COL4A6: variants seen among roughly 807,000 people sequenced by gnomAD.
COL4A6 encodes collagen alpha-6(IV) chain.
Under a neutral mutation model 126.7 loss-of-function variants are expected in COL4A6, and 59 were observed. The observed-to-expected ratio is 0.47, with a 90% CI of 0.38 to 0.58. The LOEUF is 0.58. COL4A6 is among the 20% of genes least tolerant of loss of function. The probability of loss-of-function intolerance (pLI) is 0.00; values close to 1 mark genes in which losing one functional copy is unlikely to be tolerated. For missense variants in COL4A6, 1,285 were observed against 1,337.3 expected, an observed-to-expected ratio of 0.96 and a Z score of 0.61; for synonymous variants, 547 against 496.6, an observed-to-expected ratio of 1.10 and a Z score of -1.35.
At chrX:108,267,279 T>C (rs2037330581) in intron 3 of COL4A6, among the ~76,000 whole-genome samples, 1 of 112,260 alleles carries the variant, frequency 8.9e-6, no homozygotes, top group South Asian at 3.7e-4. Flanking sequence ...ATCCAGATGA[T>C]CCAGGATAAT....
intron 7 of COL4A6, among the ~76,000 whole-genome samples, chrX:108,211,436 T>C (rs2035698645): frequency 8.8e-6 from 1 of 113,475 alleles, no homozygotes; most frequent in Admixed American, 9.2e-5. Flanking sequence ...TTTGCTGATC[T>C]GTCTCCTATT....
chrX:108,157,539 G>A (rs2033780543), intron 44 of COL4A6, among the ~76,000 whole-genome samples: 1 of 111,701 alleles, frequency 9.0e-6, no homozygotes, highest in South Asian at 3.8e-4. Context: ...ATGTCAAGCA[G>A]CAATTCCCAA....
intron 2 of COL4A6, among the ~76,000 whole-genome samples, chrX:108,375,486 C>T (rs1481906471): frequency 9.0e-6 from 1 of 110,924 alleles, no homozygotes; most frequent in Non-Finnish European, 1.9e-5. Context: ...TGCTACCAAC[C>T]TCTTGTTTTT....
chrX:108,193,031 A>G (rs1253939875), intron 17 of COL4A6, among the ~76,000 whole-genome samples: 2 of 112,161 alleles, frequency 1.8e-5, no homozygotes, highest in East Asian at 5.6e-4. Context: ...AGATCCATGG[A>G]AGAGTCACTA....
rs145252293 is a variant in COL4A6 at position 108,420,080 on chromosome X, A to G, written c.63+17862T>C. ...CCAGAGATGTCTTTCTACAGGGTGC[A>G]TTAAGTGTGCAAGGGGGTCATTAGG... is the stretch of plus-strand genomic sequence containing the variant. On this transcript the variant is annotated intron_variant, in intron 2 of 44. Transcript: ENST00000334504. Among the ~76,000 whole-genome samples, 675 of 111,712 alleles carry G rather than the reference A, an allele frequency of 6.0e-3. 2 individuals are homozygous for G. Among genetic ancestry groups the G allele is most frequent in the East Asian group, 0.038 (135 of 3,530 alleles).
intron 17 of COL4A6, 131 bp downstream of exon 17, chrX:108,193,497 T>C (rs1372468637): frequency 7.5e-6 from 4 of 533,560 alleles, no homozygotes; most frequent in Non-Finnish European, 9.4e-6. Context: ...TCAGGAGCCA[T>C]GAGGGGCTCT....
chrX:108,377,321 A>G (rs900125836), intron 2 of COL4A6, among the ~76,000 whole-genome samples: 17 of 111,007 alleles, frequency 1.5e-4, no homozygotes, highest in Admixed American at 6.7e-4. Context: ...GAGACATTCC[A>G]TTGCCCACGG....
intron 2 of COL4A6, among the ~76,000 whole-genome samples, chrX:108,331,160 A>G (rs2039288384): frequency 1.8e-5 from 2 of 111,661 alleles, no homozygotes; most frequent in Admixed American, 1.9e-4. Flanking sequence ...GTCTCTTCTA[A>G]ATATTCCCAG....
intron 3 of COL4A6, among the ~76,000 whole-genome samples, chrX:108,309,219 G>A (rs1195012214): frequency 1.8e-5 from 2 of 110,232 alleles, no homozygotes; most frequent in African/African-American, 6.6e-5. Flanking sequence ...TATTTATTGT[G>A]AAATTTTTTT....
rs1256914607 is a variant in COL4A6 at position 108,161,671 on chromosome X, C to T, written c.4281G>A (p.Gly1427=). 3 of 1,200,484 alleles carry T rather than the reference C, an allele frequency of 2.5e-6. No individual in the cohort carries two copies. In the South Asian group the frequency reaches 5.4e-5, roughly 22 times the overall value. The change falls in exon 42 of 45, where the codon GGG becomes GGA. Residue 1427 remains glycine (G), a synonymous_variant. Coordinates refer to ENST00000334504, the MANE Select transcript of COL4A6 (RefSeq NM_033641.4). ...CAGGCAGACCAGGATCACCAAGAGC[C>T]CCAGGTGGGCCTGGGAGCCCACTGG... ...DGPSGLPGPP[G]ALGDPGLPGL...
chrX:108,437,861 C>T, intron 2 of COL4A6, 81 bp downstream of exon 2: 1 of 1,086,818 alleles, frequency 9.2e-7, no homozygotes, highest in Non-Finnish European at 1.3e-6. Flanking sequence ...TCTCTGCAAC[C>T]CCCTAACATA....
chrX:108,417,724 G>A (rs1228567598), intron 2 of COL4A6, among the ~76,000 whole-genome samples: 2 of 111,716 alleles, frequency 1.8e-5, no homozygotes, highest in Non-Finnish European at 3.8e-5. Flanking sequence ...ATGAAAACCC[G>A]ATACAGCATC....
chrX:108,178,832 C>A lies in COL4A6; in HGVS notation c.2367G>T (p.Lys789Asn), dbSNP rs148636080. 419 of 1,207,925 alleles carry A rather than the reference C, an allele frequency of 3.5e-4. No individual in the cohort carries two copies. The highest frequency in any genetic ancestry group is 6.6e-4 in the Admixed American group (30 of 45,593). The change falls in exon 27 of 45, where the codon AAG becomes AAT. Residue 789 changes from lysine (K) to asparagine (N), a missense_variant. Coordinates refer to ENST00000334504, the MANE Select transcript of COL4A6 (RefSeq NM_033641.4). Reference sequence around the variant, plus strand: ...CACCTTTGGGGCCTAGTAAGCCAGGCTTCCCGTGCACACCTGATAAAAGAA... The same window carrying A: ...CACCTTTGGGGCCTAGTAAGCCAGGATTCCCGTGCACACCTGATAAAAGAA... ...GLPGLKGVHG[K>N]PGLLGPKGER...
chrX:108,269,219 G>A (rs2037389044), intron 3 of COL4A6: 7 of 325,603 alleles, frequency 2.1e-5, no homozygotes, highest in South Asian at 5.4e-5. Flanking sequence ...AGGGACTTTC[G>A]GAGCCTGCAC....
Position 108,171,441 on chromosome X carries a change from C to T in COL4A6, c.3223G>A (p.Glu1075Lys), listed in dbSNP as rs1242571632. The change falls in exon 33 of 45, where the codon GAA becomes AAA. Residue 1075 changes from glutamate to lysine, a missense_variant. Coordinates refer to ENST00000334504, the MANE Select transcript of COL4A6 (RefSeq NM_033641.4). ...TTGGGTCCTGGGCTACCGGAAATTTCAACTGTCTGGCCGTTGTCTCCTGAG... is the reference window on the plus strand; with the variant it reads ...TTGGGTCCTGGGCTACCGGAAATTTTAACTGTCTGGCCGTTGTCTCCTGAG... ...GLKGDNGQTVEISGSPGPKGQ... is the reference protein window; with the variant it reads ...GLKGDNGQTVKISGSPGPKGQ... The T allele has an allele frequency of 2.5e-6, 3 of 1,210,652 alleles. No individual in the cohort carries two copies. The East Asian group carries it at 8.9e-5, about 36-fold the overall frequency.
intron 5 of COL4A6, among the ~76,000 whole-genome samples, chrX:108,218,395 G>A (rs753977057): frequency 1.8e-5 from 2 of 112,651 alleles, no homozygotes; most frequent in South Asian, 3.7e-4. Flanking sequence ...AACCCTGTCC[G>A]CTTATTTTCC....
chrX:108,406,005 T>C (rs1603220866), intron 2 of COL4A6, among the ~76,000 whole-genome samples: 1 of 111,663 alleles, frequency 9.0e-6, no homozygotes, highest in East Asian at 2.8e-4. Context: ...TCTTGCTGTG[T>C]TGCCCAGGCT....
At chrX:108,351,729 C>G (rs1447284826) in intron 2 of COL4A6, among the ~76,000 whole-genome samples, 1 of 110,084 alleles carries the variant, frequency 9.1e-6, no homozygotes, top group Non-Finnish European at 1.9e-5. Flanking sequence ...AAAACAAGAA[C>G]AATAAAAAGG....
At chrX:108,374,117 A>G (rs1180059154) in intron 2 of COL4A6, among the ~76,000 whole-genome samples, 1 of 112,387 alleles carries the variant, frequency 8.9e-6, no homozygotes, top group Non-Finnish European at 1.9e-5. Flanking sequence ...AAGCCCCACA[A>G]ACCAAAGGCA....
Sources: allele counts gnomAD v4.1 joint callset (sites outside exome capture counted in the v4.1 genomes callset), GRCh38; gene constraint gnomAD v4.1.1; transcripts MANE v1.5; gene names NCBI Gene and HGNC (gene_info 2026-07-23, HGNC 2026-07-21).